Variants in TRAPPC8 observed in about 807,000 individuals in gnomAD.
The protein encoded by TRAPPC8 is general sporulation gene 1 homolog.
TRAPPC8 carries 54 observed loss-of-function variants against 174.3 expected under a neutral mutation model. That is an observed-to-expected ratio of 0.31 (90% CI 0.25 to 0.39). TRAPPC8 has a LOEUF of 0.39. TRAPPC8 is among the 10% of genes least tolerant of loss of function. The pLI, the probability that TRAPPC8 is intolerant of heterozygous loss-of-function variation, is 1.00. For synonymous variants in TRAPPC8, 630 were observed against 579.9 expected, an observed-to-expected ratio of 1.09 and a Z score of -1.24; for missense variants, 1,531 against 1,699.1, an observed-to-expected ratio of 0.90 and a Z score of 1.74.
intron 26 of TRAPPC8, among the ~76,000 whole-genome samples, chr18:31,846,401 C>T (rs1378963048): frequency 6.6e-6 from 1 of 151,976 alleles, no homozygotes; most frequent in Non-Finnish European, 1.5e-5. Context: ...TGGTGAAACT[C>T]CATCTCTACA....
At chr18:31,838,227 C>A (rs1237537026) in intron 27 of TRAPPC8, among the ~76,000 whole-genome samples, 2 of 152,182 alleles carry the variant, frequency 1.3e-5, no homozygotes, top group South Asian at 4.1e-4. Flanking sequence ...CAGCTAGCAT[C>A]TTCTCAGTAG....
chr18:31,920,498 A>C (rs1342665792), intron 2 of TRAPPC8, among the ~76,000 whole-genome samples: 3 of 152,282 alleles, frequency 2.0e-5, no homozygotes, highest in African/African-American at 7.2e-5. Context: ...CTTCATGTTC[A>C]TTCTTATAAA....
At chr18:31,922,925 G>C (rs1309711863) in intron 2 of TRAPPC8, among the ~76,000 whole-genome samples, 2 of 152,096 alleles carry the variant, frequency 1.3e-5, no homozygotes, top group African/African-American at 2.4e-5. Flanking sequence ...GCTGAGGTAG[G>C]AGGATCGCTT....
In TRAPPC8 at chr18:31,871,097, C is replaced by A. The variant is rs1486556790; in HGVS notation, c.2086G>T (p.Val696Leu). The change falls in exon 15 of 29, where the codon GTA becomes TTA. Residue 696 changes from valine (V) to leucine (L), a missense_variant. Physicochemically the swap from Val to Leu is conservative, Grantham distance 32. Transcript: ENST00000283351. The stretch of plus-strand genomic sequence containing the variant: ...GAATCATATTCTTGATCAAGACTTA[C>A]ATGAGTAGCTGCTTGTTTTTCACCT... The part of the protein sequence containing the change: ...ADGEKQAATH[V>L]SLDQEYDSES... 1.3e-6 allele frequency: 2 copies of A among 1,568,842 alleles called. No homozygotes were observed. Among genetic ancestry groups the A allele is most frequent in the Non-Finnish European group, 1.7e-6 (2 of 1,153,154 alleles).
chr18:31,888,434 G>A (rs1382460925), intron 12 of TRAPPC8, among the ~76,000 whole-genome samples: 1 of 152,214 alleles, frequency 6.6e-6, no homozygotes, highest in African/African-American at 2.4e-5. Context: ...TCGGGAGGCT[G>A]AGGCAGGAGA....
Position 31,931,539 on chromosome 18 carries a change from GA to G in TRAPPC8, c.158-17del, listed in dbSNP as rs148221292. 0.095 allele frequency: 144,360 copies of G among 1,522,348 alleles called. 7,613 individuals carry two copies. The highest frequency in any genetic ancestry group is 0.1 in the Non-Finnish European group (118,160 of 1,134,754). The allele number at this position is 1,522,348 out of a possible 1,614,324, so 94.3% of individuals were successfully genotyped here. A position where few individuals can be genotyped will look rare whatever the true frequency, so the allele number is the denominator to read the frequency against. ...CTCATGTGAACTTTAAAGAAAAAAA[GA>G]AAAAAACTTGAAATTAATTCTATAC... On this transcript the variant is annotated splice_polypyrimidine_tract_variant and intron_variant, in intron 1 of 28. Coordinates refer to ENST00000283351, the MANE Select transcript of TRAPPC8 (RefSeq NM_014939.5).
chr18:31,841,111 CAAAT>C lies in TRAPPC8; in HGVS notation c.3838-1658_3838-1655del, dbSNP rs540434236. 7.2e-5 allele frequency among the ~76,000 whole-genome samples: 11 copies of C among 151,876 alleles called. No homozygotes were observed. The South Asian group carries it at 1.2e-3, about 17-fold the overall frequency. On this transcript the variant is annotated intron_variant, in intron 26 of 28. Coordinates refer to ENST00000283351, the MANE Select transcript of TRAPPC8 (RefSeq NM_014939.5). ...AAATTGACCAAAAATATCATATAGT[CAAAT>C]AAAGTTTAACAGCATGTTAAAAATA...
intron 2 of TRAPPC8, among the ~76,000 whole-genome samples, chr18:31,927,290 A>G (rs112669022): frequency 0.063 from 9,433 of 150,406 alleles, 314 homozygotes; most frequent in Middle Eastern, 0.11. Flanking sequence ...TTTTTTTGAG[A>G]CTCACTCTGT....
intron 11 of TRAPPC8, among the ~76,000 whole-genome samples, chr18:31,892,130 A>C (rs1160782826): frequency 6.6e-6 from 1 of 152,228 alleles, no homozygotes; most frequent in East Asian, 1.9e-4. Flanking sequence ...TTATTAATAC[A>C]AACTAATTTT....
chr18:31,918,686 GA>G (rs1328654582), intron 2 of TRAPPC8, among the ~76,000 whole-genome samples: 23 of 152,166 alleles, frequency 1.5e-4, no homozygotes, highest in African/African-American at 5.5e-4. Context: ...CCTCTTAAAT[GA>G]AATTTCGAAG....
chr18:31,897,797 A>G lies in TRAPPC8; in HGVS notation c.1585T>C (p.Leu529=). ...CACAGTTTCAGTACCTCACTGGTCA[A>G]CCGTATTAGGAGAGCTGCAGCCTCT... ...YSEAAALLIR[L]TSEDSDLRSA... Residue 529 remains leucine (L), a synonymous_variant, in exon 11 of 29, where the codon TTG becomes CTG. Transcript: ENST00000283351. The G allele has an allele frequency of 1.2e-6, 2 of 1,602,006 alleles. No homozygotes were observed. Among genetic ancestry groups the G allele is most frequent in the Admixed American group, 1.7e-5 (1 of 58,856 alleles).
intron 2 of TRAPPC8, among the ~76,000 whole-genome samples, chr18:31,925,698 A>C (rs2037586334): frequency 6.6e-6 from 1 of 152,208 alleles, no homozygotes; most frequent in Non-Finnish European, 1.5e-5. Context: ...CCCAACGTGA[A>C]ATTTCAAAAT....
intron 25 of TRAPPC8, among the ~76,000 whole-genome samples, chr18:31,848,457 T>C (rs1366309083): frequency 2.6e-5 from 4 of 152,210 alleles, no homozygotes; most frequent in African/African-American, 7.2e-5. Context: ...TACACTTATA[T>C]AATATGATTC....
chr18:31,864,010 A>T (rs945364030), intron 19 of TRAPPC8, among the ~76,000 whole-genome samples: 1 of 148,126 alleles, frequency 6.8e-6, no homozygotes, highest in African/African-American at 2.5e-5. Flanking sequence ...ACTTTATTAT[A>T]ATATGTTATT....
Position 31,942,592 on chromosome 18 carries a change from G to A in TRAPPC8, c.157+16C>T, listed in dbSNP as rs111749715. 4.6e-3 allele frequency: 7,073 copies of A among 1,524,872 alleles called. 27 individuals carry two copies. The highest frequency in any genetic ancestry group is 5.5e-3 in the Non-Finnish European group (6,273 of 1,131,110). The allele number at this position is 1,524,872 out of a possible 1,614,324, so 94.5% of individuals were successfully genotyped here. On this transcript the variant is annotated intron_variant, in intron 1 of 28. Coordinates refer to ENST00000283351, the MANE Select transcript of TRAPPC8 (RefSeq NM_014939.5). ...GCTTTGCGGGAGCCCACTGGAAAAG[G>A]GAGGATACCACATACCCTCGGAAGT...
At position 31,830,829 on chromosome 18, in the gene TRAPPC8, A is replaced by G. The variant is rs775996748; in HGVS notation, c.4234T>C (p.Ser1412Pro). ...LGTPRVFAKL[S>P]DQVTVFETSQ... ...GTTTCAAACACTGTAACTTGGTCCG[A>G]TAACTTGGCAAATACCCTAGGAGTT... Residue 1412 changes from serine (S) to proline (P), a missense_variant, in exon 29 of 29, where the codon TCG (serine) becomes CCG (proline). Transcript: ENST00000283351. The G allele has an allele frequency of 1.7e-5, 28 of 1,614,214 alleles. 1 individual carries two copies. Among genetic ancestry groups the G allele is most frequent in the South Asian group, 2.2e-5 (2 of 91,086 alleles).
chr18:31,922,107 T>G (rs2037415825), intron 2 of TRAPPC8, among the ~76,000 whole-genome samples: 1 of 152,120 alleles, frequency 6.6e-6, no homozygotes, highest in Non-Finnish European at 1.5e-5. Flanking sequence ...GTCTATGTGT[T>G]TGAGGGGAAA....
chr18:31,849,792 A>C (rs144319683), intron 24 of TRAPPC8, 53 bp from the exon 25 acceptor site: 21,928 of 1,486,676 alleles, frequency 0.015, 209 homozygotes, highest in Non-Finnish European at 0.017. Context: ...ATGTTGTCAA[A>C]ATTTATTTTG....
chr18:31,908,811 G>T lies in TRAPPC8; in HGVS notation c.1065C>A (p.Phe355Leu). 1 of 1,612,610 alleles carries T rather than the reference G, an allele frequency of 6.2e-7. No homozygotes were observed. Among genetic ancestry groups the T allele is most frequent in the South Asian group, 1.1e-5 (1 of 90,906 alleles). The change falls in exon 7 of 29, where the codon TTC becomes TTA. Residue 355 changes from phenylalanine to leucine, a missense_variant. Coordinates refer to ENST00000283351, the MANE Select transcript of TRAPPC8 (RefSeq NM_014939.5). ...HDRIRQFIQE[F>L]TFRGLLPHIE... is the part of the protein sequence containing the mutation. Reference sequence around the variant, plus strand: ...TATGTGGCAAAAGGCCCCGAAATGTGAACTCTTGTATAAACTGTCGAATTC... The same window carrying T: ...TATGTGGCAAAAGGCCCCGAAATGTTAACTCTTGTATAAACTGTCGAATTC...
Sources: allele counts gnomAD v4.1 joint callset (sites outside exome capture counted in the v4.1 genomes callset), GRCh38; gene constraint gnomAD v4.1.1; transcripts MANE v1.5; gene names NCBI Gene and HGNC (gene_info 2026-07-23, HGNC 2026-07-21).